The following CNTNAP2 variants were observed in gnomAD, a reference collection of about 807,000 sequenced individuals.
CNTNAP2 encodes the protein contactin-associated protein-like 2.
A neutral mutation model predicts 155.2 loss-of-function variants in CNTNAP2; 98 were observed. The observed-to-expected ratio is 0.63, with a 90% CI of 0.54 to 0.75. CNTNAP2 has a LOEUF of 0.75. Ranked by LOEUF, CNTNAP2 falls within the 30% of genes least tolerant of loss-of-function variation. The pLI, the probability that CNTNAP2 is intolerant of heterozygous loss-of-function variation, is 0.00. For synonymous variants in CNTNAP2, 651 were observed against 631.2 expected (o/e 1.03, Z -0.47); for missense variants, 1,727 against 1,688.1 (o/e 1.02, Z -0.40).
chr7:147,608,529 T>C (rs913336383), intron 12 of CNTNAP2, among the ~76,000 whole-genome samples: 1 of 152,078 alleles, frequency 6.6e-6, no homozygotes, highest in Non-Finnish European at 1.5e-5. Flanking sequence ...CTCAAGCTCC[T>C]GGGTTCAAGC....
intron 1 of CNTNAP2, among the ~76,000 whole-genome samples, chr7:146,258,440 T>A (rs1799872403): frequency 6.6e-6 from 1 of 152,238 alleles, no homozygotes; most frequent in Middle Eastern, 3.2e-3. Context: ...ATTTATATTT[T>A]ATGCTTTATT....
At chr7:147,457,642 C>T (rs1195463815) in intron 10 of CNTNAP2, among the ~76,000 whole-genome samples, 1 of 151,738 alleles carries the variant, frequency 6.6e-6, no homozygotes, top group Non-Finnish European at 1.5e-5. Context: ...TGATAGGCAT[C>T]CACGAGATAT....
At chr7:148,066,582 C>T (rs1315396076) in intron 15 of CNTNAP2, among the ~76,000 whole-genome samples, 1 of 152,042 alleles carries the variant, frequency 6.6e-6, no homozygotes, top group African/African-American at 2.4e-5. Flanking sequence ...ACTGCAAGCT[C>T]CACCTCCTGG....
intron 3 of CNTNAP2, among the ~76,000 whole-genome samples, chr7:147,003,891 G>A (rs1798474852): frequency 1.3e-5 from 2 of 151,802 alleles, no homozygotes; most frequent in African/African-American, 4.8e-5. Flanking sequence ...AATTATCCAG[G>A]CATGATGGTG....
intron 1 of CNTNAP2, among the ~76,000 whole-genome samples, chr7:146,456,680 T>C (rs1279712338): frequency 6.6e-6 from 1 of 152,190 alleles, no homozygotes; most frequent in Non-Finnish European, 1.5e-5. Flanking sequence ...CATCAGTTTT[T>C]CCAGCTGTGA....
intron 1 of CNTNAP2, among the ~76,000 whole-genome samples, chr7:146,685,195 A>G (rs1332521843): frequency 6.6e-6 from 1 of 152,132 alleles, no homozygotes; most frequent in Non-Finnish European, 1.5e-5. Flanking sequence ...AAGAATGACA[A>G]CCTTTTAACT....
chr7:147,929,046 T>C lies in CNTNAP2; in HGVS notation c.2255+25325T>C, dbSNP rs541618170. 2.5e-3 allele frequency among the ~76,000 whole-genome samples: 312 copies of C among 126,258 alleles called. 1 individual carries two copies. Among genetic ancestry groups the C allele is most frequent in the African/African-American group, 9.2e-3 (294 of 31,806 alleles). 82.8% of individuals were successfully genotyped at this position (126,258 alleles called of 152,430 possible). On this transcript the variant is annotated intron_variant, in intron 14 of 23. Transcript: ENST00000361727. ...GGCAGAGGTTGCAGTGAGCCGAGAC[T>C]GCGCCGTTGCACTCCAGCCGGGGCA...
chr7:147,654,560 T>G (rs1795496383), intron 13 of CNTNAP2, among the ~76,000 whole-genome samples: 1 of 152,196 alleles, frequency 6.6e-6, no homozygotes, highest in Non-Finnish European at 1.5e-5. Context: ...TGCTAATTCT[T>G]TTGTTATTTC....
intron 3 of CNTNAP2, among the ~76,000 whole-genome samples, chr7:146,926,852 T>C (rs1796619886): frequency 1.3e-5 from 2 of 152,190 alleles, no homozygotes; most frequent in Non-Finnish European, 2.9e-5. Context: ...CAAAGATAAA[T>C]ACATTATCAA....
At chr7:147,078,352 G>A (rs576138346) in intron 4 of CNTNAP2, among the ~76,000 whole-genome samples, 1 of 152,202 alleles carries the variant, frequency 6.6e-6, no homozygotes, top group East Asian at 1.9e-4. Context: ...TTGTTCAGCA[G>A]ATTAACCAAA....
chr7:146,199,224 T>C (rs1032445489), intron 1 of CNTNAP2, among the ~76,000 whole-genome samples: 1 of 152,180 alleles, frequency 6.6e-6, no homozygotes, highest in Non-Finnish European at 1.5e-5. Context: ...ATCCAGCAAA[T>C]GGAGTGGATG....
At chr7:146,596,222 AT>A (rs1447997470) in intron 1 of CNTNAP2, among the ~76,000 whole-genome samples, 1 of 152,028 alleles carries the variant, frequency 6.6e-6, no homozygotes, top group Non-Finnish European at 1.5e-5. Flanking sequence ...GAATGTAACA[AT>A]ATCATGTGGA....
chr7:146,409,913 G>A (rs1795842621), intron 1 of CNTNAP2, among the ~76,000 whole-genome samples: 1 of 152,182 alleles, frequency 6.6e-6, no homozygotes, highest in Non-Finnish European at 1.5e-5. Context: ...GGGCAGTGGG[G>A]TGGATGCAAT....
At chr7:146,727,610 A>G (rs975787088) in intron 1 of CNTNAP2, among the ~76,000 whole-genome samples, 19 of 152,122 alleles carry the variant, frequency 1.2e-4, no homozygotes, top group African/African-American at 4.6e-4. Context: ...ATTGCCGGCA[A>G]TTTTCACTGT....
chr7:147,850,967 C>G (rs978491318), intron 13 of CNTNAP2, among the ~76,000 whole-genome samples: 1 of 152,146 alleles, frequency 6.6e-6, no homozygotes, highest in Non-Finnish European at 1.5e-5. Flanking sequence ...AAAGAAACTA[C>G]CAGCAGAGTG....
intron 1 of CNTNAP2, among the ~76,000 whole-genome samples, chr7:146,150,386 G>A (rs1307610395): frequency 2.0e-5 from 3 of 151,956 alleles, no homozygotes; most frequent in Non-Finnish European, 1.5e-5. Flanking sequence ...TGACACATCA[G>A]TTTCACTTCT....
At chr7:147,868,367 T>C (rs1226504011) in intron 13 of CNTNAP2, among the ~76,000 whole-genome samples, 1 of 152,094 alleles carries the variant, frequency 6.6e-6, no homozygotes, top group Admixed American at 6.5e-5. Flanking sequence ...TGCCTGCCTA[T>C]ATGAGGTGTC....
At chr7:146,346,436 C>T (rs1794820006) in intron 1 of CNTNAP2, among the ~76,000 whole-genome samples, 1 of 152,286 alleles carries the variant, frequency 6.6e-6, no homozygotes, top group South Asian at 2.1e-4. Flanking sequence ...AATCCCAGCA[C>T]TTTGGGAGGC....
intron 1 of CNTNAP2, among the ~76,000 whole-genome samples, chr7:146,350,424 A>G (rs1167203233): frequency 6.6e-6 from 1 of 152,188 alleles, no homozygotes; most frequent in Non-Finnish European, 1.5e-5. Context: ...AAACACATGA[A>G]AAAATGCTCA....
Sources: gnomAD v4.1 joint callset for allele counts (sites outside exome capture counted in the v4.1 genomes callset) on GRCh38, gnomAD v4.1.1 for gene constraint, MANE v1.5 for transcripts, NCBI Gene and HGNC (gene_info 2026-07-23, HGNC 2026-07-21) for gene names.